Variants in DPP10 observed in about 807,000 individuals in gnomAD.
DPP10 encodes the protein dipeptidyl peptidase like 10, also known as inactive dipeptidyl peptidase 10.
Under a neutral mutation model 120.9 loss-of-function variants are expected in DPP10, and 33 were observed. That is an observed-to-expected ratio of 0.27 (90% CI 0.21 to 0.37). The LOEUF (loss-of-function observed/expected upper bound fraction) is 0.37. Ranked by LOEUF, DPP10 falls within the 10% of genes least tolerant of loss-of-function variation. The pLI is 1.00. For missense variants in DPP10, 816 were observed against 942.8 expected, an observed-to-expected ratio of 0.87 and a Z score of 1.76; for synonymous variants, 337 against 326.1, an observed-to-expected ratio of 1.03 and a Z score of -0.36.
intron 1 of DPP10, chr2:115,161,714 G>A (rs1038428378): frequency 4.6e-5 from 18 of 392,742 alleles, no homozygotes; most frequent in African/African-American, 3.8e-4. Flanking sequence ...CTGCGCTTTG[G>A]GTGGCGGGGG....
At position 114,609,031 on chromosome 2, in the gene DPP10, G is replaced by T. The variant is rs151158803; in HGVS notation, c.60+166193G>T. ...TAGCAAACGTGTGCATATACCCCAA[G>T]AATCTAAAATAAAATTTGAATAAAT... On this transcript the variant is annotated intron_variant, in intron 1 of 25. Coordinates refer to ENST00000410059, the MANE Select transcript of DPP10 (RefSeq NM_020868.6). 4.2e-3 allele frequency among the ~76,000 whole-genome samples: 637 copies of T among 151,946 alleles called. 5 individuals carry two copies. Among genetic ancestry groups the T allele is most frequent in the African/African-American group, 0.015 (603 of 41,450 alleles).
chr2:115,525,242 G>A (rs897144782), intron 4 of DPP10, among the ~76,000 whole-genome samples: 9 of 152,024 alleles, frequency 5.9e-5, no homozygotes, highest in African/African-American at 1.9e-4. Context: ...TCTATTTCAA[G>A]TGAAATCTTT....
At chr2:115,505,878 G>T (rs1470526023) in intron 4 of DPP10, among the ~76,000 whole-genome samples, 1 of 152,028 alleles carries the variant, frequency 6.6e-6, no homozygotes, top group Non-Finnish European at 1.5e-5. Flanking sequence ...TGATGAATAT[G>T]TTAATTAGCT....
At chr2:114,864,243 C>CAAATTCACACACTGCAAA (rs1167566045) in intron 1 of DPP10, among the ~76,000 whole-genome samples, 2 of 152,026 alleles carry the variant, frequency 1.3e-5, no homozygotes, top group Non-Finnish European at 2.9e-5. Flanking sequence ...TTTACTTTAT[C>CAAATTCACACACTGCAAA]AATGTGAAAT....
chr2:114,911,907 G>A (rs1261048399), intron 1 of DPP10, among the ~76,000 whole-genome samples: 7 of 152,170 alleles, frequency 4.6e-5, no homozygotes, highest in African/African-American at 1.7e-4. Context: ...TGAGAGAGCA[G>A]CCTCAGTTAG....
intron 1 of DPP10, among the ~76,000 whole-genome samples, chr2:114,782,253 T>G (rs1309547280): frequency 6.6e-6 from 1 of 151,794 alleles, no homozygotes; most frequent in African/African-American, 2.4e-5. Flanking sequence ...GAGATTATGA[T>G]AGAATAAACA....
intron 1 of DPP10, among the ~76,000 whole-genome samples, chr2:114,493,823 G>T (rs146790369): frequency 5.2e-4 from 79 of 152,198 alleles, no homozygotes; most frequent in African/African-American, 1.7e-3. Context: ...GCAACTACAG[G>T]CCATGAACGA....
At chr2:114,857,655 C>A (rs185731339) in intron 1 of DPP10, among the ~76,000 whole-genome samples, 14 of 152,282 alleles carry the variant, frequency 9.2e-5, no homozygotes, top group African/African-American at 3.4e-4. Context: ...TATTCATATG[C>A]TACTACTAGT....
At chr2:115,687,005 C>G (rs1200436291) in intron 5 of DPP10, among the ~76,000 whole-genome samples, 1 of 151,974 alleles carries the variant, frequency 6.6e-6, no homozygotes, top group Non-Finnish European at 1.5e-5. Context: ...ATAAGACCTA[C>G]TTAGCCGTAT....
intron 5 of DPP10, among the ~76,000 whole-genome samples, chr2:115,597,818 C>CT (rs1274853736): frequency 1.3e-5 from 2 of 151,974 alleles, no homozygotes; most frequent in African/African-American, 2.4e-5. Context: ...TCAAAAGAGA[C>CT]TAAGTGATTC....
chr2:115,221,412 A>G (rs572298978), intron 1 of DPP10, among the ~76,000 whole-genome samples: 2 of 152,294 alleles, frequency 1.3e-5, no homozygotes, highest in East Asian at 1.9e-4. Flanking sequence ...TCGGCAAACC[A>G]TGGCTCATGC....
chr2:114,586,477 A>G (rs1045015322), intron 1 of DPP10, among the ~76,000 whole-genome samples: 1 of 152,230 alleles, frequency 6.6e-6, no homozygotes, highest in Admixed American at 6.5e-5. Context: ...ATTGGGAAAT[A>G]AACTAGTACC....
At chr2:115,658,459 A>G (rs1475873185) in intron 5 of DPP10, among the ~76,000 whole-genome samples, 3 of 151,844 alleles carry the variant, frequency 2.0e-5, no homozygotes, top group Non-Finnish European at 4.4e-5. Flanking sequence ...TTAGTTTGGC[A>G]GCAAACATTA....
At chr2:115,371,368 G>A (rs2065398317) in intron 3 of DPP10, among the ~76,000 whole-genome samples, 1 of 152,106 alleles carries the variant, frequency 6.6e-6, no homozygotes, top group African/African-American at 2.4e-5. Flanking sequence ...AAAGATATTT[G>A]CAAACTCACC....
intron 1 of DPP10, among the ~76,000 whole-genome samples, chr2:114,745,198 T>C (rs972828211): frequency 1.3e-5 from 2 of 152,230 alleles, no homozygotes; most frequent in African/African-American, 2.4e-5. Context: ...TTGAAGTGTT[T>C]TGAAAACAGC....
chr2:115,689,955 C>G, intron 7 of DPP10, 34 bp downstream of exon 7: 7 of 1,577,374 alleles, frequency 4.4e-6, no homozygotes, highest in Non-Finnish European at 6.0e-6. Flanking sequence ...CTGAACACTG[C>G]CAATCATGGT....
intron 1 of DPP10, among the ~76,000 whole-genome samples, chr2:115,247,105 T>C (rs981925250): frequency 3.2e-4 from 49 of 152,092 alleles, no homozygotes; most frequent in Non-Finnish European, 5.4e-4. Flanking sequence ...GTGACTACAA[T>C]TGGGAAACAG....
chr2:115,832,809 T>G (rs1689069642), intron 21 of DPP10, among the ~76,000 whole-genome samples: 2 of 152,164 alleles, frequency 1.3e-5, no homozygotes, highest in African/African-American at 4.8e-5. Context: ...TGGCACTTTT[T>G]TTTTTTAAAG....
chr2:115,072,721 T>C (rs1707467440), intron 1 of DPP10, among the ~76,000 whole-genome samples: 1 of 152,212 alleles, frequency 6.6e-6, no homozygotes, highest in Admixed American at 6.5e-5. Flanking sequence ...TTTATCCTGT[T>C]AAGAGAGAAG....
Sources: gnomAD v4.1 joint callset for allele counts (sites outside exome capture counted in the v4.1 genomes callset) on GRCh38, gnomAD v4.1.1 for gene constraint, MANE v1.5 for transcripts, NCBI Gene and HGNC (gene_info 2026-07-23, HGNC 2026-07-21) for gene names.